PCDHGC3: variants seen among roughly 807,000 people sequenced by gnomAD.
PCDHGC3 encodes the protein protocadherin gamma-C3.
A neutral mutation model predicts 59.2 loss-of-function variants in PCDHGC3; 26 were observed. The ratio of observed to expected loss-of-function variants is 0.44; its 90% CI spans 0.32 to 0.61. The LOEUF (loss-of-function observed/expected upper bound fraction) is 0.61, where lower values mean the gene tolerates loss of function less well. Among genes scored for constraint, PCDHGC3 ranks in the 20% least tolerant of loss-of-function variants. PCDHGC3 has a pLI of 0.05. For missense variants in PCDHGC3, 1,080 were observed against 1,221.8 expected (o/e 0.88, Z 1.73); for synonymous variants, 487 against 519.7 (o/e 0.94, Z 0.86).
chr5:141,504,786 C>T (rs568185327), intron 2 of PCDHGC3, among the ~76,000 whole-genome samples: 1 of 152,132 alleles, frequency 6.6e-6, no homozygotes, highest in Non-Finnish European at 1.5e-5. Flanking sequence ...TCTCTTGGGG[C>T]CTCCTACATC....
At chr5:141,483,648 TTGTGTGTGTG>T (rs111458813) in intron 1 of PCDHGC3, among the ~76,000 whole-genome samples, 35 of 149,708 alleles carry the variant, frequency 2.3e-4, no homozygotes, top group Non-Finnish European at 4.6e-4. Flanking sequence ...GGGTGTGTGT[TTGTGTGTGTG>T]TGTGTGTGTG....
intron 2 of PCDHGC3, among the ~76,000 whole-genome samples, chr5:141,500,281 T>A (rs1254933339): frequency 2.0e-5 from 3 of 151,934 alleles, no homozygotes; most frequent in Non-Finnish European, 4.4e-5. Context: ...CAATCTCGGC[T>A]CACTGCAAGC....
In PCDHGC3 at chr5:141,485,340, C is replaced by T. The variant is rs139641513; in HGVS notation, c.2430+6794C>T. ...GTCGCTCAAGATTTCCTGCTGGATA[C>T]GGACAGTCTGTCAGCTCGCAGGCTG... is the stretch of plus-strand genomic sequence containing the variant. On this transcript the variant is annotated intron_variant, in intron 1 of 3. Coordinates refer to ENST00000308177, the MANE Select transcript of PCDHGC3 (RefSeq NM_002588.4). This position sits in a 1 kb window ranked among gnomAD's most constrained non-coding sequence, Gnocchi z 5.7. 1.2e-6 allele frequency: 2 copies of T among 1,613,958 alleles called. No individual in the cohort carries two copies. Among genetic ancestry groups the T allele is most frequent in the East Asian group, 2.2e-5 (1 of 44,884 alleles).
intron 2 of PCDHGC3, among the ~76,000 whole-genome samples, chr5:141,503,085 C>T (rs1284066265): frequency 6.6e-6 from 1 of 152,044 alleles, no homozygotes; most frequent in Non-Finnish European, 1.5e-5. Context: ...GATCTCCTGA[C>T]CTCGTGGTCT....
chr5:141,494,985 C>A, intron 2 of PCDHGC3, 120 bp downstream of exon 2: 1 of 1,559,680 alleles, frequency 6.4e-7, no homozygotes. Context: ...AGTTTGAGAT[C>A]CCAGGGAGGT....
rs143779180 is a variant in PCDHGC3, at chr5:141,485,438, C to T, written c.2430+6892C>T. Reference sequence around the variant, plus strand: ...CAGCGGAGCCCTGCTCATCAAGAACCCAATCGACCGAGAGGCACTGTGTGG... The same window carrying T: ...CAGCGGAGCCCTGCTCATCAAGAACTCAATCGACCGAGAGGCACTGTGTGG... On this transcript the variant is annotated intron_variant, in intron 1 of 3. Transcript: ENST00000308177. This position sits in a 1 kb window ranked among gnomAD's most constrained non-coding sequence, Gnocchi z 5.7. 2.9e-5 allele frequency: 47 copies of T among 1,614,052 alleles called. No individual in the cohort carries two copies. The highest frequency in any genetic ancestry group is 4.0e-5 in the African/African-American group (3 of 74,924).
chr5:141,494,950 A>T, intron 2 of PCDHGC3, 85 bp downstream of exon 2: 2 of 1,607,070 alleles, frequency 1.2e-6, no homozygotes, highest in African/African-American at 2.7e-5. Context: ...AGGGCCCAGC[A>T]TTTGCTACAG....
At chr5:141,495,771 C>T (rs941051365) in intron 2 of PCDHGC3, among the ~76,000 whole-genome samples, 1 of 152,110 alleles carries the variant, frequency 6.6e-6, no homozygotes, top group Non-Finnish European at 1.5e-5. Flanking sequence ...TGTCCTTGTC[C>T]TGGACCTCTT....
rs115237553 is a variant in PCDHGC3, at chr5:141,476,478, T to A, written c.362T>A (p.Val121Glu). 1.3e-4 allele frequency: 203 copies of A among 1,613,844 alleles called. 2 individuals are homozygous for A. The African/African-American group carries it at 2.5e-3, about 20-fold the overall frequency. ...VVENPLELFS[V>E]EVVIQDINDN... Reference sequence around the variant, plus strand: ...GAGAACCCGCTGGAGCTGTTCAGCGTGGAAGTGGTGATCCAGGACATCAAC... The same window carrying A: ...GAGAACCCGCTGGAGCTGTTCAGCGAGGAAGTGGTGATCCAGGACATCAAC... Residue 121 changes from valine (V) to glutamate (E), a missense_variant, in exon 1 of 4, where the codon GTG becomes GAG. Transcript: ENST00000308177. The surrounding 1 kb of genome is among the most constrained non-coding windows in gnomAD (Gnocchi z 7.6).
intron 2 of PCDHGC3, among the ~76,000 whole-genome samples, chr5:141,502,107 C>T (rs1292131951): frequency 6.6e-6 from 1 of 152,192 alleles, no homozygotes; most frequent in East Asian, 1.9e-4. Context: ...TGACCCTGCA[C>T]CCTCAGCCAG....
intron 2 of PCDHGC3, among the ~76,000 whole-genome samples, chr5:141,501,110 G>A (rs1373404247): frequency 2.6e-5 from 4 of 151,908 alleles, no homozygotes; most frequent in Admixed American, 6.6e-5. Flanking sequence ...CTCGTGATCC[G>A]CCTGCCTCAG....
At position 141,478,109 on chromosome 5, in the gene PCDHGC3, T is replaced by C; in HGVS notation, c.1993T>C (p.Ser665Pro). Residue 665 changes from serine to proline, a missense_variant, in exon 1 of 4, where the codon TCA (serine) becomes CCA (proline). Physicochemically the swap from Ser to Pro is moderately conservative, Grantham distance 74. Coordinates refer to ENST00000308177, the MANE Select transcript of PCDHGC3 (RefSeq NM_002588.4). ...CTCCACCACTGCTACCCTCACTGTG[T>C]CAGTAACCGAGGACTCTCCTGAAGC... ...SLSTTATLTV[S>P]VTEDSPEARA... The C allele has an allele frequency of 6.2e-7, 1 of 1,614,086 alleles. No homozygotes were observed. Among genetic ancestry groups the C allele is most frequent in the Non-Finnish European group, 8.5e-7 (1 of 1,180,028 alleles).
Position 141,491,586 on chromosome 5 carries a change from G to T in PCDHGC3, c.2431-3221G>T, listed in dbSNP as rs373990387. ...ACAGGACGTGCTTTTCACCGGCCTC[G>T]GACGGCAGTGACTTCACTTTTCTAA... On this transcript the variant is annotated intron_variant, in intron 1 of 3. Transcript: ENST00000308177. This position sits in a 1 kb window ranked among gnomAD's most constrained non-coding sequence, Gnocchi z 6.9. 2.1e-5 allele frequency: 34 copies of T among 1,613,792 alleles called. No individual in the cohort carries two copies. In the African/African-American group the frequency reaches 2.4e-4, roughly 11 times the overall value.
rs1001555249 is a variant in PCDHGC3, at chr5:141,486,728, G to A, written c.2431-8079G>A. The A allele has an allele frequency of 1.2e-6, 2 of 1,614,200 alleles. No homozygotes were observed. The highest frequency in any genetic ancestry group is 1.7e-6 in the Non-Finnish European group (2 of 1,180,052). On this transcript the variant is annotated intron_variant, in intron 1 of 3. Transcript: ENST00000308177. This position sits in a 1 kb window ranked among gnomAD's most constrained non-coding sequence, Gnocchi z 5.0. Reference sequence around the variant, plus strand: ...GAACCCCCAGACAGGAGCTGTTCATGCTACTCGATCCTTTGACTATGAGCA... The same window carrying A: ...GAACCCCCAGACAGGAGCTGTTCATACTACTCGATCCTTTGACTATGAGCA...
Position 141,485,790 on chromosome 5 carries a change from C to T in PCDHGC3, c.2430+7244C>T. On this transcript the variant is annotated intron_variant, in intron 1 of 3. Transcript: ENST00000308177. This position sits in a 1 kb window ranked among gnomAD's most constrained non-coding sequence, Gnocchi z 5.7. The stretch of plus-strand genomic sequence containing the variant: ...AAGCCTTTGGATCGAGAGAAGCAAT[C>T]GGACTACCGCCTGGTGCTGACTGCT... 6.2e-7 allele frequency: 1 copy of T among 1,614,204 alleles called. No homozygotes were observed. Among genetic ancestry groups the T allele is most frequent in the Non-Finnish European group, 8.5e-7 (1 of 1,180,032 alleles).
rs201073884 is a variant in PCDHGC3 at position 141,486,264 on chromosome 5, A to C, written c.2430+7718A>C. On this transcript the variant is annotated intron_variant, in intron 1 of 3. Coordinates refer to ENST00000308177, the MANE Select transcript of PCDHGC3 (RefSeq NM_002588.4). This position sits in a 1 kb window ranked among gnomAD's most constrained non-coding sequence, Gnocchi z 5.0. The stretch of plus-strand genomic sequence containing the variant: ...CTTGGAACCCTCCCCGAGAGTGCAG[A>C]ACCTGGCACTGTGGTGGCACTTATC... 8 of 1,614,032 alleles carry C rather than the reference A, an allele frequency of 5.0e-6. No individual in the cohort carries two copies. The East Asian group carries it at 1.6e-4, about 31-fold the overall frequency.
chr5:141,484,994 G>A (rs1257915410), intron 1 of PCDHGC3: 4 of 610,330 alleles, frequency 6.6e-6, no homozygotes, highest in Non-Finnish European at 1.2e-5. Context: ...GGTGGTGAAA[G>A]GCAGACAAAT....
chr5:141,490,142 C>T lies in PCDHGC3; in HGVS notation c.2431-4665C>T. On this transcript the variant is annotated intron_variant, in intron 1 of 3. Transcript: ENST00000308177. This position sits in a 1 kb window ranked among gnomAD's most constrained non-coding sequence, Gnocchi z 5.4. ...TTTGGCCTAGACCCTAGCAGTGGGG[C>T]AATCCATGTGTTGGGTCCCATAGAC... 2 of 1,614,220 alleles carry T rather than the reference C, an allele frequency of 1.2e-6. No individual in the cohort carries two copies. Among genetic ancestry groups the T allele is most frequent in the South Asian group, 1.1e-5 (1 of 91,088 alleles).
chr5:141,488,193 T>C (rs1211647195), intron 1 of PCDHGC3, among the ~76,000 whole-genome samples: 1 of 152,122 alleles, frequency 6.6e-6, no homozygotes, highest in Non-Finnish European at 1.5e-5. Flanking sequence ...TTGGTCTGGG[T>C]CTTAGGACTC....
Sources: gnomAD v4.1 joint callset for allele counts (sites outside exome capture counted in the v4.1 genomes callset) on GRCh38, gnomAD v4.1.1 for gene constraint, Gnocchi (gnomAD v3.1) non-coding constraint, MANE v1.5 for transcripts, NCBI Gene and HGNC (gene_info 2026-07-23, HGNC 2026-07-21) for gene names.